The following RAPGEF6 variants were observed in gnomAD, a reference collection of about 807,000 sequenced individuals.
RAPGEF6 encodes the protein Rap guanine nucleotide exchange factor 6.
In RAPGEF6, 56 loss-of-function variants were observed where a neutral mutation model predicts 171.4. That is an observed-to-expected ratio of 0.33 (90% CI 0.26 to 0.41). The LOEUF is 0.41. Ranked by LOEUF, RAPGEF6 falls within the 10% of genes least tolerant of loss-of-function variation. The pLI, the probability that RAPGEF6 is intolerant of heterozygous loss-of-function variation, is 1.00. For missense variants in RAPGEF6, 1,674 were observed against 1,921.4 expected (o/e 0.87, Z 2.41); for synonymous variants, 692 against 650.1 (o/e 1.06, Z -0.98).
intron 17 of RAPGEF6, among the ~76,000 whole-genome samples, chr5:131,466,362 G>A (rs1754344637): frequency 6.6e-6 from 1 of 152,138 alleles, no homozygotes; most frequent in Non-Finnish European, 1.5e-5. Context: ...TTAGTGGGCT[G>A]CTGACATCAT....
intron 7 of RAPGEF6, among the ~76,000 whole-genome samples, chr5:131,515,584 A>G (rs181701246): frequency 6.6e-6 from 1 of 152,362 alleles, no homozygotes; most frequent in Admixed American, 6.5e-5. Flanking sequence ...CTGGTGATGA[A>G]AAATGTCAAG....
At chr5:131,429,934 C>T (rs1017809056) in intron 26 of RAPGEF6, among the ~76,000 whole-genome samples, 17 of 151,706 alleles carry the variant, frequency 1.1e-4, no homozygotes, top group African/African-American at 4.1e-4. Context: ...CCTGTAATCC[C>T]AGCTACTTGG....
At chr5:131,487,964 A>G (rs915412813) in intron 15 of RAPGEF6, among the ~76,000 whole-genome samples, 2 of 149,742 alleles carry the variant, frequency 1.3e-5, no homozygotes, top group African/African-American at 5.1e-5. Context: ...CAGAATAGAA[A>G]GAGAGTAAAC....
chr5:131,451,631 A>AT (rs1297270109), intron 21 of RAPGEF6, among the ~76,000 whole-genome samples: 1 of 152,036 alleles, frequency 6.6e-6, no homozygotes, highest in East Asian at 1.9e-4. Context: ...AAGAAAACAA[A>AT]TAAAAAAAAA....
At chr5:131,511,968 G>C (rs1757760804) in intron 7 of RAPGEF6, among the ~76,000 whole-genome samples, 1 of 152,168 alleles carries the variant, frequency 6.6e-6, no homozygotes, top group Non-Finnish European at 1.5e-5. Flanking sequence ...TTAACTGGTT[G>C]CTAAATTGGA....
intron 16 of RAPGEF6, among the ~76,000 whole-genome samples, chr5:131,474,531 A>G (rs1754969951): frequency 6.6e-6 from 1 of 152,232 alleles, no homozygotes; most frequent in Non-Finnish European, 1.5e-5. Context: ...ATTAAAAAGT[A>G]GAGGCAGGTC....
In RAPGEF6 at chr5:131,577,237, C is replaced by T. The variant is rs373280272; in HGVS notation, c.281+15146G>A. 1.1e-3 allele frequency among the ~76,000 whole-genome samples: 168 copies of T among 152,274 alleles called. 3 individuals are homozygous for T. In the South Asian group the frequency reaches 0.032, roughly 29 times the overall value. On this transcript the variant is annotated intron_variant, in intron 4 of 27. Coordinates refer to ENST00000509018, the MANE Select transcript of RAPGEF6 (RefSeq NM_016340.6). ...TCCCTCAAGCAGTCTCCCAGGCCTT[C>T]GGCATCCAGTGGAACCTTCATTCCC...
At chr5:131,604,474 T>TAAAC in intron 2 of RAPGEF6, 149 bp downstream of exon 2, 2 of 831,286 alleles carry the variant, frequency 2.4e-6, no homozygotes, top group Admixed American at 4.0e-5. Context: ...TACCAAAATA[T>TAAAC]AAACTCCAGG....
Position 131,508,171 on chromosome 5 carries a change from A to C in RAPGEF6, c.842T>G (p.Phe281Cys), listed in dbSNP as rs776428381. The change falls in exon 9 of 28, where the codon TTT (phenylalanine) becomes TGT (cysteine). Residue 281 changes from phenylalanine (F) to cysteine (C), a missense_variant. Coordinates refer to ENST00000509018, the MANE Select transcript of RAPGEF6 (RefSeq NM_016340.6). Reference protein sequence around the residue: ...LLEFMHQLPAFANMTMSVRRE... With the variant: ...LLEFMHQLPACANMTMSVRRE... ...CCTTACAGACATGGTCATGTTTGCA[A>C]ATGCAGGGAGCTGGTGCATAAACTC... 3 of 1,613,086 alleles carry C rather than the reference A, an allele frequency of 1.9e-6. No individual in the cohort carries two copies. Among genetic ancestry groups the C allele is most frequent in the Non-Finnish European group, 2.5e-6 (3 of 1,179,596 alleles).
chr5:131,556,153 T>C (rs899156491), intron 5 of RAPGEF6, among the ~76,000 whole-genome samples: 1 of 152,126 alleles, frequency 6.6e-6, no homozygotes, highest in African/African-American at 2.4e-5. Flanking sequence ...AAAAGACCAC[T>C]AGTAGGCTGG....
At chr5:131,626,783 G>A (rs1765956837) in intron 1 of RAPGEF6, among the ~76,000 whole-genome samples, 1 of 152,002 alleles carries the variant, frequency 6.6e-6, no homozygotes, top group Admixed American at 6.6e-5. Context: ...TATCATCTGG[G>A]TGAGGTAACC....
intron 4 of RAPGEF6, among the ~76,000 whole-genome samples, chr5:131,580,566 G>A (rs1167563375): frequency 4.6e-5 from 7 of 152,230 alleles, no homozygotes; most frequent in African/African-American, 1.7e-4. Flanking sequence ...AGGGCCGCCA[G>A]CACGTTGTCA....
intron 3 of RAPGEF6, among the ~76,000 whole-genome samples, chr5:131,592,845 G>T (rs180981110): frequency 2.1e-3 from 322 of 152,232 alleles, no homozygotes; most frequent in Middle Eastern, 0.02. Flanking sequence ...AAAGAAAACA[G>T]AAGAATTGTA....
chr5:131,621,165 TG>T (rs1301783730), intron 1 of RAPGEF6, among the ~76,000 whole-genome samples: 5 of 152,242 alleles, frequency 3.3e-5, no homozygotes, highest in Non-Finnish European at 7.3e-5. Context: ...AGTTGTTCCT[TG>T]GTATCCACTG....
chr5:131,561,209 A>G (rs1286791368), intron 5 of RAPGEF6, among the ~76,000 whole-genome samples: 2 of 152,236 alleles, frequency 1.3e-5, no homozygotes, highest in African/African-American at 2.4e-5. Flanking sequence ...ATAAAAACTT[A>G]TCTTAAATAA....
chr5:131,446,695 C>T lies in RAPGEF6; in HGVS notation c.3209G>A (p.Ser1070Asn), dbSNP rs374471079. ...CATGTTTGAATTTGTGCTTCCTTGA[C>T]TCAGTGACCTATAAGAAGATGAAAA... ...PAMMFRQRSL[S>N]QGSTNSNMLD... The change falls in exon 22 of 28, where the codon AGT becomes AAT. Residue 1070 changes from serine (S) to asparagine (N), a missense_variant. Coordinates refer to ENST00000509018, the MANE Select transcript of RAPGEF6 (RefSeq NM_016340.6). 1.1e-5 allele frequency: 17 copies of T among 1,613,392 alleles called. 1 individual carries two copies. The South Asian group carries it at 1.3e-4, about 13-fold the overall frequency.
chr5:131,585,328 A>ACATG, intron 4 of RAPGEF6, among the ~76,000 whole-genome samples: 1 of 150,524 alleles, frequency 6.6e-6, no homozygotes, highest in East Asian at 1.9e-4. Context: ...ATACATACAT[A>ACATG]CATACATATA....
intron 1 of RAPGEF6, among the ~76,000 whole-genome samples, chr5:131,615,049 G>T (rs138311086): frequency 8.3e-4 from 127 of 152,268 alleles, no homozygotes; most frequent in African/African-American, 3.0e-3. Context: ...TGGGTTGTAG[G>T]GACCAGCAGT....
chr5:131,465,454 AAT>A (rs1253888867), intron 17 of RAPGEF6, among the ~76,000 whole-genome samples: 2 of 152,298 alleles, frequency 1.3e-5, no homozygotes, highest in African/African-American at 4.8e-5. Flanking sequence ...TCCCTATGAC[AAT>A]AAATTACTGT....
Sources: gnomAD v4.1 joint callset for allele counts (sites outside exome capture counted in the v4.1 genomes callset) on GRCh38, gnomAD v4.1.1 for gene constraint, MANE v1.5 for transcripts, NCBI Gene and HGNC (gene_info 2026-07-23, HGNC 2026-07-21) for gene names.